Variants in TAF3 observed in about 807,000 individuals in gnomAD.
The protein encoded by TAF3 is transcription initiation factor TFIID subunit 3.
TAF3 carries 7 observed loss-of-function variants against 80.6 expected under a neutral mutation model. That is an observed-to-expected ratio of 0.09 (90% CI 0.05 to 0.16). The LOEUF (loss-of-function observed/expected upper bound fraction) is 0.16, where lower values mean the gene tolerates loss of function less well. Among genes scored for constraint, TAF3 ranks in the 10% least tolerant of loss-of-function variants. TAF3 has a pLI of 1.00. For synonymous variants in TAF3, 444 were observed against 446.1 expected (o/e 1.00, Z 0.06); for missense variants, 921 against 1,140.2 (o/e 0.81, Z 2.77).
At chr10:7,914,521 G>A (rs1049283064) in intron 2 of TAF3, among the ~76,000 whole-genome samples, 1 of 152,162 alleles carries the variant, frequency 6.6e-6, no homozygotes, top group Non-Finnish European at 1.5e-5. Context: ...TTTGTACTCC[G>A]AGCCTGGTAT....
At chr10:7,834,782 A>G (rs541347234) in intron 2 of TAF3, among the ~76,000 whole-genome samples, 2 of 152,310 alleles carry the variant, frequency 1.3e-5, no homozygotes, top group East Asian at 1.9e-4. Context: ...TGCAACTGAT[A>G]CTATCATTCA....
At chr10:7,846,159 G>C (rs554975567) in intron 2 of TAF3, among the ~76,000 whole-genome samples, 8 of 151,936 alleles carry the variant, frequency 5.3e-5, no homozygotes, top group East Asian at 1.9e-4. Flanking sequence ...GGGTTTCACC[G>C]TGTTAGCCAG....
chr10:7,839,882 A>G (rs1304203992), intron 2 of TAF3, among the ~76,000 whole-genome samples: 2 of 152,198 alleles, frequency 1.3e-5, no homozygotes, highest in Non-Finnish European at 2.9e-5. Context: ...GGAGGTGTAT[A>G]CATGTCAGCA....
intron 4 of TAF3, among the ~76,000 whole-genome samples, chr10:8,005,989 C>T (rs1165306945): frequency 6.6e-6 from 1 of 152,118 alleles, no homozygotes. Flanking sequence ...GCCTTGGTTT[C>T]TTCGTTTAAA....
intron 2 of TAF3, among the ~76,000 whole-genome samples, chr10:7,892,116 A>T (rs1014453349): frequency 3.3e-5 from 5 of 152,246 alleles, no homozygotes; most frequent in African/African-American, 1.2e-4. Flanking sequence ...TTACAACTTT[A>T]TGCATTACAA....
intron 2 of TAF3, among the ~76,000 whole-genome samples, chr10:7,872,440 A>G (rs1837276585): frequency 6.6e-6 from 1 of 152,168 alleles, no homozygotes; most frequent in Non-Finnish European, 1.5e-5. Context: ...ATTAAAATAT[A>G]GGAAGTTATA....
intron 2 of TAF3, among the ~76,000 whole-genome samples, chr10:7,842,164 GTTTTTTTTTTTGTTTT>G (rs1257018301): frequency 2.3e-5 from 2 of 85,384 alleles, no homozygotes; most frequent in Non-Finnish European, 4.8e-5. Flanking sequence ...TTTTTTTTTT[GTTTTTTTTTTTGTTTT>G]TTTTTTTTTT....
intron 4 of TAF3, among the ~76,000 whole-genome samples, chr10:7,981,830 A>C (rs1831728814): frequency 1.3e-5 from 2 of 152,222 alleles, no homozygotes. Context: ...GGGGCTTTTT[A>C]ATACTTGTAA....
chr10:7,885,847 A>G (rs1277097001), intron 2 of TAF3, among the ~76,000 whole-genome samples: 1 of 152,026 alleles, frequency 6.6e-6, no homozygotes, highest in African/African-American at 2.4e-5. Context: ...GCTTGCCTTC[A>G]TGTTATTATT....
chr10:7,861,620 T>C (rs1438230167), intron 2 of TAF3, among the ~76,000 whole-genome samples: 4 of 152,196 alleles, frequency 2.6e-5, no homozygotes, highest in Admixed American at 2.0e-4. Flanking sequence ...TACAGATATT[T>C]TTCCACCATC....
chr10:8,000,213 T>C (rs1035864384), intron 4 of TAF3, among the ~76,000 whole-genome samples: 2 of 151,930 alleles, frequency 1.3e-5, no homozygotes, highest in East Asian at 3.9e-4. Context: ...CACTCCTGGG[T>C]TCAAGCGATT....
At position 7,824,307 on chromosome 10, in the gene TAF3, CTT is replaced by C; in HGVS notation, c.167-9_167-8del. 7.8e-6 allele frequency: 12 copies of C among 1,531,810 alleles called. No homozygotes were observed. Among genetic ancestry groups the C allele is most frequent in the Non-Finnish European group, 9.7e-6 (11 of 1,128,600 alleles). 94.9% of individuals were successfully genotyped at this position (1,531,810 alleles called of 1,614,324 possible). On this transcript the variant is annotated splice_polypyrimidine_tract_variant and intron_variant, in intron 1 of 6. Transcript: ENST00000344293. ...TTCAAATAATTTGATTTGCTTTTCACTTTGTTTCAGATGGCCGAACAGACCCA... is the reference window on the plus strand; with the variant it reads ...TTCAAATAATTTGATTTGCTTTTCACTGTTTCAGATGGCCGAACAGACCCA...
intron 2 of TAF3, among the ~76,000 whole-genome samples, chr10:7,841,308 G>C (rs2131115182): frequency 6.6e-6 from 1 of 152,302 alleles, no homozygotes; most frequent in South Asian, 2.1e-4. Context: ...CTGTCTGCAG[G>C]CTCACTGCTT....
chr10:7,861,001 G>T (rs527782883), intron 2 of TAF3, among the ~76,000 whole-genome samples: 2 of 150,750 alleles, frequency 1.3e-5, no homozygotes, highest in South Asian at 2.1e-4. Flanking sequence ...TTGCTGTGTC[G>T]CCTGGGCTGG....
Position 7,843,246 on chromosome 10 carries a change from T to TACCAGCTTGCACC in TAF3, c.409+18691_409+18703dup. Among the ~76,000 whole-genome samples the TACCAGCTTGCACC allele has an allele frequency of 2.6e-5, 4 of 151,802 alleles. No homozygotes were observed. The South Asian group carries it at 8.3e-4, about 32-fold the overall frequency. ...CCTCAGCCTCCTTAGTAGCTGGGAC[T>TACCAGCTTGCACC]ACCAGCTTGCACCACCATGCCCAGC... On this transcript the variant is annotated intron_variant, in intron 2 of 6. Coordinates refer to ENST00000344293, the MANE Select transcript of TAF3 (RefSeq NM_031923.4).
At chr10:7,914,358 A>C (rs1358879612) in intron 2 of TAF3, among the ~76,000 whole-genome samples, 2 of 152,246 alleles carry the variant, frequency 1.3e-5, no homozygotes, top group Admixed American at 6.5e-5. Context: ...TATTTGAAGC[A>C]GGTGTTTTCC....
chr10:7,925,187 G>T (rs1837803242), intron 2 of TAF3, among the ~76,000 whole-genome samples: 1 of 152,164 alleles, frequency 6.6e-6, no homozygotes, highest in Admixed American at 6.5e-5. Context: ...GACTAGAATT[G>T]TAGTTCTTTG....
At chr10:7,991,545 A>G (rs1831833851) in intron 4 of TAF3, among the ~76,000 whole-genome samples, 2 of 152,116 alleles carry the variant, frequency 1.3e-5, no homozygotes, top group African/African-American at 4.8e-5. Flanking sequence ...TAAACAGGCA[A>G]TCTCAGAGCA....
intron 2 of TAF3, among the ~76,000 whole-genome samples, chr10:7,829,327 A>G (rs1836775241): frequency 6.6e-6 from 1 of 152,190 alleles, no homozygotes; most frequent in Non-Finnish European, 1.5e-5. Flanking sequence ...ACATGTTATT[A>G]TTAAGTGACG....
Sources: allele counts gnomAD v4.1 joint callset (sites outside exome capture counted in the v4.1 genomes callset), GRCh38; gene constraint gnomAD v4.1.1; transcripts MANE v1.5; gene names NCBI Gene and HGNC (gene_info 2026-07-23, HGNC 2026-07-21).